Variants in INAVA observed in about 807,000 individuals in gnomAD.
INAVA encodes innate immunity activator protein.
In INAVA, 32 loss-of-function variants were observed where a neutral mutation model predicts 55.3. That is an observed-to-expected ratio of 0.58 (90% CI 0.44 to 0.78). The LOEUF is 0.78. Among genes scored for constraint, INAVA ranks in the 30% least tolerant of loss-of-function variants. The probability of loss-of-function intolerance (pLI) is 0.00; values close to 1 mark genes in which losing one functional copy is unlikely to be tolerated. For synonymous variants in INAVA, 294 were observed against 329.4 expected (o/e 0.89, Z 1.16); for missense variants, 756 against 786.4 (o/e 0.96, Z 0.46).
intron 3 of INAVA, 66 bp from the exon 4 acceptor site, chr1:200,900,038 G>T: frequency 7.3e-7 from 1 of 1,366,128 alleles, no homozygotes. Context: ...CACATGCAGT[G>T]CAGGGGCCAG....
chr1:200,894,263 G>A (rs1668294447), upstream of INAVA, among the ~76,000 whole-genome samples: 2 of 152,150 alleles, frequency 1.3e-5, no homozygotes, highest in South Asian at 2.1e-4. Context: ...ATGAACATGC[G>A]TTGCTGGGGG....
At chr1:200,904,448 C>T (rs1164903870) in intron 5 of INAVA, among the ~76,000 whole-genome samples, 2 of 152,176 alleles carry the variant, frequency 1.3e-5, no homozygotes, top group African/African-American at 4.8e-5. Context: ...ATACAGTAGC[C>T]ACTCGCTGCA....
chr1:200,895,950 C>T (rs1668340867), intron 1 of INAVA, among the ~76,000 whole-genome samples: 1 of 152,152 alleles, frequency 6.6e-6, no homozygotes, highest in South Asian at 2.1e-4. Flanking sequence ...CTTGGGGCAG[C>T]AAGTCATCCC....
chr1:200,914,383 G>A lies in INAVA; in HGVS notation c.*754G>A, dbSNP rs908917400. 3 of 152,364 alleles carry A rather than the reference G, an allele frequency of 2.0e-5. No homozygotes were observed. The highest frequency in any genetic ancestry group is 7.2e-5 in the African/African-American group (3 of 41,472). 9.4% of individuals were successfully genotyped at this position (152,364 alleles called of 1,614,324 possible). A position where few individuals can be genotyped will look rare whatever the true frequency, so the allele number is the denominator to read the frequency against. ...GGGGGCTGGTCCATGCTTGTGGTTA[G>A]TGGACAGCAGCCACCCTTTGACAGC... On this transcript the variant is annotated 3_prime_UTR_variant, in exon 10 of 10. Transcript: ENST00000413687.
At chr1:200,900,696 C>T (rs1282080237) in intron 4 of INAVA, among the ~76,000 whole-genome samples, 1 of 152,226 alleles carries the variant, frequency 6.6e-6, no homozygotes, top group African/African-American at 2.4e-5. Context: ...CTGCCCGGTT[C>T]AGCAGGTGGG....
chr1:200,900,060 T>C (rs1381621560), intron 3 of INAVA, 44 bp from the exon 4 acceptor site: 4 of 1,536,468 alleles, frequency 2.6e-6, no homozygotes, highest in Non-Finnish European at 3.6e-6. Context: ...GAGCCAAGTC[T>C]GGGCAGGTGG....
chr1:200,901,019 A>G lies in INAVA; in HGVS notation c.380A>G (p.Asn127Ser). The change falls in exon 5 of 10, where the codon AAC becomes AGC. Residue 127 changes from asparagine to serine, a missense_variant. This residue lies in a region of INAVA where 639 missense variants were observed against 624.3 expected (regional missense o/e 1.02). Coordinates refer to ENST00000413687, the MANE Select transcript of INAVA (RefSeq NM_001142569.3). ...GCCCGTCGGCTGTGCCTGGAGGAGA[A>G]CCTCAGCAGGCAGGCTCGGCGGCAG... The part of the protein sequence containing the change: ...EAARRLCLEE[N>S]LSRQARRQRK... 6.4e-7 allele frequency: 1 copy of G among 1,550,946 alleles called. No individual in the cohort carries two copies. The highest frequency in any genetic ancestry group is 1.4e-5 in the African/African-American group (1 of 73,196).
chr1:200,902,638 C>T (rs1653314968), intron 5 of INAVA, among the ~76,000 whole-genome samples: 1 of 152,240 alleles, frequency 6.6e-6, no homozygotes, highest in Non-Finnish European at 1.5e-5. Context: ...AAGGTAGCTG[C>T]TGAATTGGAC....
upstream of INAVA, among the ~76,000 whole-genome samples, chr1:200,892,417 T>TA (rs200987467): frequency 1.1e-3 from 164 of 151,242 alleles, 1 homozygote; most frequent in African/African-American, 3.6e-3. Context: ...AACTTTTTTT[T>TA]AAAAAAAATG....
At chr1:200,905,628 T>A (rs1653455747) in intron 5 of INAVA, among the ~76,000 whole-genome samples, 1 of 152,218 alleles carries the variant, frequency 6.6e-6, no homozygotes, top group African/African-American at 2.4e-5. Flanking sequence ...CATATTTTAG[T>A]CTTTGTAGGC....
At chr1:200,892,855 G>C (rs527299820), upstream of INAVA, among the ~76,000 whole-genome samples, 25 of 152,236 alleles carry the variant, frequency 1.6e-4, no homozygotes, top group Non-Finnish European at 2.9e-4. Flanking sequence ...AATATTGAGC[G>C]TGAATTTGGG....
intron 5 of INAVA, among the ~76,000 whole-genome samples, chr1:200,903,991 C>A (rs865867342): frequency 6.6e-6 from 1 of 152,084 alleles, no homozygotes; most frequent in Non-Finnish European, 1.5e-5. Flanking sequence ...CTAGAGTGAA[C>A]CGCATGAGGG....
upstream of INAVA, among the ~76,000 whole-genome samples, chr1:200,893,056 T>C (rs1668266828): frequency 6.6e-6 from 1 of 152,150 alleles, no homozygotes; most frequent in Non-Finnish European, 1.5e-5. Context: ...AAAAAAGATA[T>C]CATTGTTTTT....
Position 200,911,581 on chromosome 1 carries a change from C to T in INAVA, c.1088C>T (p.Ala363Val). The T allele has an allele frequency of 6.2e-7, 1 of 1,613,834 alleles. No homozygotes were observed. The highest frequency in any genetic ancestry group is 1.1e-5 in the South Asian group (1 of 91,078). ...GCGACCAAGCCCCCGCTGCCCCACGCCGCCTGCCACTCCTGCTCAGAAGAC... is the reference window on the plus strand; with the variant it reads ...GCGACCAAGCCCCCGCTGCCCCACGTCGCCTGCCACTCCTGCTCAGAAGAC... Reference protein sequence around the residue: ...FPATKPPLPHAACHSCSEDSG... With the variant: ...FPATKPPLPHVACHSCSEDSG... Residue 363 changes from alanine (A) to valine (V), a missense_variant, in exon 9 of 10, where the codon GCC (alanine) becomes GTC (valine). By Grantham distance (64) the Ala-to-Val change is moderately conservative. This residue lies in a region of INAVA where 639 missense variants were observed against 624.3 expected (regional missense o/e 1.02). Coordinates refer to ENST00000413687, the MANE Select transcript of INAVA (RefSeq NM_001142569.3).
chr1:200,891,644 C>G (rs774987814), upstream of INAVA: 143 of 1,514,970 alleles, frequency 9.4e-5, no homozygotes, highest in Non-Finnish European at 1.2e-4. Context: ...CCTGAAGCTG[C>G]GAGGCTGGAG....
At chr1:200,902,040 G>GC (rs1247060715) in intron 5 of INAVA, among the ~76,000 whole-genome samples, 4 of 152,096 alleles carry the variant, frequency 2.6e-5, no homozygotes, top group Non-Finnish European at 2.9e-5. Context: ...ACTCAGCTCT[G>GC]CCCCCCGTCT....
rs1215127435 is a variant in INAVA at position 200,907,899 on chromosome 1, G to A, written c.574+12G>A. The A allele has an allele frequency of 1.2e-6, 2 of 1,609,030 alleles. No individual in the cohort carries two copies. Among genetic ancestry groups the A allele is most frequent in the Admixed American group, 1.7e-5 (1 of 59,984 alleles). ...CCTCCTGGAGGAAGGTGAGAAGGACGTTTGGGGGACTATTGTCAAGGCTGG... is the reference window on the plus strand; with the variant it reads ...CCTCCTGGAGGAAGGTGAGAAGGACATTTGGGGGACTATTGTCAAGGCTGG... On this transcript the variant is annotated intron_variant, in intron 6 of 9. Coordinates refer to ENST00000413687, the MANE Select transcript of INAVA (RefSeq NM_001142569.3).
At chr1:200,911,411 T>G in intron 8 of INAVA, 42 bp from the exon 9 acceptor site, 4 of 1,556,006 alleles carry the variant, frequency 2.6e-6, no homozygotes, top group Non-Finnish European at 3.5e-6. Context: ...AGTGTGGAGT[T>G]TCTGCCCCCC....
Position 200,909,381 on chromosome 1 carries a change from C to G in INAVA, c.943C>G (p.Gln315Glu). ...ATPEIQGRRG[Q>E]SQSLRVDSFR... Reference sequence around the variant, plus strand: ...CCCTGAGATACAGGGGAGGAGGGGCCAGTCGCAGTCTCTGAGGTAAGAGAC... The same window carrying G: ...CCCTGAGATACAGGGGAGGAGGGGCGAGTCGCAGTCTCTGAGGTAAGAGAC... The change falls in exon 8 of 10, where the codon CAG becomes GAG. Residue 315 changes from glutamine to glutamate, a missense_variant. Gln to Glu is a conservative substitution (Grantham distance 29). This residue lies in a region of INAVA where 639 missense variants were observed against 624.3 expected (regional missense o/e 1.02). Coordinates refer to ENST00000413687, the MANE Select transcript of INAVA (RefSeq NM_001142569.3). 6.2e-7 allele frequency: 1 copy of G among 1,600,428 alleles called. No homozygotes were observed. The highest frequency in any genetic ancestry group is 2.2e-5 in the East Asian group (1 of 44,448).
Sources: allele counts gnomAD v4.1 joint callset (sites outside exome capture counted in the v4.1 genomes callset), GRCh38; gene constraint gnomAD v4.1.1; regional missense constraint gnomAD v4.1.1; transcripts MANE v1.5; gene names NCBI Gene and HGNC (gene_info 2026-07-23, HGNC 2026-07-21).